HTR2C: variants seen among roughly 807,000 people sequenced by gnomAD.
The protein encoded by HTR2C is 5-hydroxytryptamine (serotonin) receptor 2C, G protein-coupled.
In HTR2C, 5 loss-of-function variants were observed where a neutral mutation model predicts 21.0. The ratio of observed to expected loss-of-function variants is 0.24; its 90% CI spans 0.12 to 0.50. HTR2C has a LOEUF of 0.50. HTR2C is among the 20% of genes least tolerant of loss of function. HTR2C has a pLI of 0.98. For synonymous variants in HTR2C, 150 were observed against 145.3 expected, an observed-to-expected ratio of 1.03 and a Z score of -0.23; for missense variants, 271 against 371.2, an observed-to-expected ratio of 0.73 and a Z score of 2.22.
chrX:114,693,148 C>T (rs1357353267), intron 2 of HTR2C, among the ~76,000 whole-genome samples: 12 of 110,864 alleles, frequency 1.1e-4, no homozygotes, highest in Admixed American at 1.9e-4. Flanking sequence ...ATATGTCAAA[C>T]AAAAACAGCA....
rs1285225315 is a variant in HTR2C, at chrX:114,909,271, T to A, written c.*1856T>A. ...AATTATATGAAGCAGAATGAGATGA[T>A]TTAATTCTTACCGAAATGAAAATGG... On this transcript the variant is annotated 3_prime_UTR_variant, in exon 6 of 6. Transcript: ENST00000276198. 3 of 112,719 alleles carry A rather than the reference T, an allele frequency of 2.7e-5. No homozygotes were observed. The highest frequency in any genetic ancestry group is 5.6e-5 in the Non-Finnish European group (3 of 53,301). 9.3% of individuals were successfully genotyped at this position (112,719 alleles called of 1,213,427 possible).
At chrX:114,781,614 C>T (rs1338785853) in intron 4 of HTR2C, among the ~76,000 whole-genome samples, 1 of 109,463 alleles carries the variant, frequency 9.1e-6, no homozygotes, top group Non-Finnish European at 1.9e-5. Context: ...AATCCTCCTG[C>T]CCCAGCCTCC....
intron 2 of HTR2C, among the ~76,000 whole-genome samples, chrX:114,678,652 C>T (rs1931648084): frequency 9.0e-6 from 1 of 111,248 alleles, no homozygotes; most frequent in African/African-American, 3.3e-5. Context: ...TTGTGAGGCT[C>T]AAATGAGATA....
chrX:114,853,920 G>GA (rs2070938884), intron 5 of HTR2C, among the ~76,000 whole-genome samples: 1 of 111,362 alleles, frequency 9.0e-6, no homozygotes, highest in African/African-American at 3.3e-5. Context: ...TTTAATTTAA[G>GA]AAAAAATGAA....
At chrX:114,713,171 A>G (rs1241853149) in intron 2 of HTR2C, among the ~76,000 whole-genome samples, 3 of 111,518 alleles carry the variant, frequency 2.7e-5, no homozygotes, top group African/African-American at 9.7e-5. Flanking sequence ...TCCAGATTCA[A>G]TAATTATTAA....
intron 4 of HTR2C, among the ~76,000 whole-genome samples, chrX:114,788,231 C>A (rs1349815028): frequency 1.8e-5 from 2 of 111,014 alleles, no homozygotes; most frequent in South Asian, 3.8e-4. Flanking sequence ...AACGTTTTTA[C>A]CCTTCATGAG....
chrX:114,745,077 A>G (rs1343326727), intron 4 of HTR2C, among the ~76,000 whole-genome samples: 7 of 111,996 alleles, frequency 6.3e-5, no homozygotes, highest in Admixed American at 3.8e-4. Context: ...CCTATCTGAC[A>G]AGGCATTAAT....
intron 2 of HTR2C, among the ~76,000 whole-genome samples, chrX:114,629,230 G>C (rs1556403648): frequency 9.0e-6 from 1 of 111,715 alleles, no homozygotes; most frequent in Non-Finnish European, 1.9e-5. Flanking sequence ...GCCCATTTAT[G>C]AGTCACAGAA....
intron 2 of HTR2C, among the ~76,000 whole-genome samples, chrX:114,650,817 T>G (rs1930534179): frequency 8.9e-6 from 1 of 111,998 alleles, no homozygotes; most frequent in Admixed American, 9.5e-5. Flanking sequence ...CCAGCTGCTC[T>G]ATTGAATCTT....
At chrX:114,682,538 G>A (rs183776239) in intron 2 of HTR2C, among the ~76,000 whole-genome samples, 59 of 111,132 alleles carry the variant, frequency 5.3e-4, no homozygotes, top group African/African-American at 1.9e-3. Flanking sequence ...AAATAAGATT[G>A]CCTTGGAAAT....
rs1556425324 is a variant in HTR2C, at chrX:114,741,548, AAT to A, written c.349+9944_349+9945del. Among the ~76,000 whole-genome samples the A allele has an allele frequency of 4.4e-3, 366 of 82,633 alleles. 5 individuals are homozygous for A. Among genetic ancestry groups the A allele is most frequent in the Non-Finnish European group, 7.8e-3 (325 of 41,416 alleles). 71.8% of individuals were successfully genotyped at this position (82,633 alleles called of 115,157 possible). The stretch of plus-strand genomic sequence containing the variant: ...CTAAAAAAAAAAAAAAAAAAAAAAA[AAT>A]ATGAGATTGGAACACCTTTTCAGCT... On this transcript the variant is annotated intron_variant, in intron 4 of 5. Transcript: ENST00000276198.
intron 5 of HTR2C, among the ~76,000 whole-genome samples, chrX:114,904,890 CTT>C (rs35923049): frequency 0.015 from 1,476 of 99,988 alleles, 9 homozygotes; most frequent in Middle Eastern, 0.041. Context: ...TTCTTAACTG[CTT>C]TTTTTTTTTT....
intron 4 of HTR2C, among the ~76,000 whole-genome samples, chrX:114,781,814 T>A (rs1268275680): frequency 1.1e-5 from 1 of 91,942 alleles, no homozygotes; most frequent in Admixed American, 1.3e-4. Context: ...CCCCGCCGTC[T>A]AAAAAAAAAA....
chrX:114,767,196 A>G (rs2069955003), intron 4 of HTR2C, among the ~76,000 whole-genome samples: 1 of 111,248 alleles, frequency 9.0e-6, no homozygotes, highest in East Asian at 2.8e-4. Context: ...TGTAATTGAT[A>G]AGATCATGAC....
intron 4 of HTR2C, among the ~76,000 whole-genome samples, chrX:114,778,964 T>C (rs1556439769): frequency 8.9e-6 from 1 of 111,882 alleles, no homozygotes; most frequent in East Asian, 2.8e-4. Context: ...AATAAATATA[T>C]ATAGGGCCAA....
chrX:114,675,302 T>C (rs1342162384), intron 2 of HTR2C, among the ~76,000 whole-genome samples: 1 of 111,924 alleles, frequency 8.9e-6, no homozygotes, highest in Non-Finnish European at 1.9e-5. Flanking sequence ...TCCAACTTGG[T>C]TAATTGGAAC....
At chrX:114,790,860 A>G (rs1261548879) in intron 4 of HTR2C, among the ~76,000 whole-genome samples, 1 of 111,966 alleles carries the variant, frequency 8.9e-6, no homozygotes, top group Non-Finnish European at 1.9e-5. Flanking sequence ...GAAAAAATAT[A>G]ACTATTCTTT....
At position 114,736,800 on chromosome X, in the gene HTR2C, T is replaced by C. The variant is rs1201230818; in HGVS notation, c.349+5193T>C. Among the ~76,000 whole-genome samples, 5 of 112,181 alleles carry C rather than the reference T, an allele frequency of 4.5e-5. No individual in the cohort carries two copies. The Admixed American group carries it at 4.7e-4, about 11-fold the overall frequency. ...AAAGTAGAAATTTTATAAAAAGTTC[T>C]TTTTGATAACAATGTAATAATACTA... On this transcript the variant is annotated intron_variant, in intron 4 of 5. Coordinates refer to ENST00000276198, the MANE Select transcript of HTR2C (RefSeq NM_000868.4).
At chrX:114,592,650 A>T (rs1304707409) in intron 1 of HTR2C, among the ~76,000 whole-genome samples, 2 of 112,000 alleles carry the variant, frequency 1.8e-5, no homozygotes, top group African/African-American at 6.5e-5. Flanking sequence ...ATTATTCCCC[A>T]TTTCAGTCCA....
Sources: allele counts gnomAD v4.1 joint callset (sites outside exome capture counted in the v4.1 genomes callset), GRCh38; gene constraint gnomAD v4.1.1; transcripts MANE v1.5; gene names NCBI Gene and HGNC (gene_info 2026-07-23, HGNC 2026-07-21).